TAF11L14: variants seen among roughly 807,000 people sequenced by gnomAD.
TAF11L14 encodes TATA-box-binding protein-associated factor 11-like protein 14.
exon 1 of TAF11L14, chr5:17,634,961 C>G (rs192526000): frequency 2.5e-6 from 1 of 398,206 alleles, no homozygotes; most frequent in African/African-American, 2.1e-5. Context: ...GGGAGAAATG[C>G]CCCCATTGCA....
exon 1 of TAF11L14, chr5:17,634,568 G>A: frequency 2.5e-6 from 1 of 398,400 alleles, no homozygotes; most frequent in Non-Finnish European, 4.4e-6. Context: ...TGGGAACTTG[G>A]AAGAACCCAG....
At chr5:17,634,590 G>A (rs1290463016) in exon 1 of TAF11L14, 2 of 398,290 alleles carry the variant, frequency 5.0e-6, no homozygotes, top group East Asian at 3.6e-5. Context: ...GCTCAGGAAT[G>A]TGAGCTCAGG....
exon 1 of TAF11L14, chr5:17,635,021 T>C (rs1739785388): frequency 2.5e-6 from 1 of 398,412 alleles, no homozygotes; most frequent in African/African-American, 2.1e-5. Context: ...CAAGGGCCTC[T>C]TCCCCAACAA....
exon 1 of TAF11L14, chr5:17,634,631 G>A (rs1179261976): frequency 5.0e-6 from 2 of 398,472 alleles, no homozygotes; most frequent in Non-Finnish European, 8.9e-6. Context: ...CACAGTAGTT[G>A]ACAATGAGGC....
In TAF11L14 at chr5:17,634,830, G is replaced by A. The variant is rs374514278; in HGVS notation, c.371G>A (p.Arg124His). The change falls in exon 1 of 1, where the codon CGT becomes CAT. Residue 124 changes from arginine (R) to histidine (H), a missense_variant. Arg to His is a conservative substitution (Grantham distance 29). Coordinates refer to ENST00000512227, the Ensembl canonical transcript of TAF11L14. ...GCTTTCCCAAAAGCACTTGTTGCAC[G>A]TCTGATGTGGTCTATCACTGGGAGA... The A allele has an allele frequency of 3.0e-5, 12 of 398,582 alleles. 1 individual carries two copies. Among genetic ancestry groups the A allele is most frequent in the Non-Finnish European group, 4.4e-5 (10 of 225,874 alleles). 24.7% of individuals were successfully genotyped at this position (398,582 alleles called of 1,614,324 possible).
chr5:17,634,597 C>T (rs1739774410), exon 1 of TAF11L14: 2 of 398,336 alleles, frequency 5.0e-6, no homozygotes, highest in Non-Finnish European at 8.9e-6. Context: ...AATGTGAGCT[C>T]AGGAGTGAGG....
exon 1 of TAF11L14, chr5:17,634,574 C>A: frequency 2.5e-6 from 1 of 398,364 alleles, no homozygotes. Flanking sequence ...CTTGGAAGAA[C>A]CCAGGGCTCA....
In TAF11L14 at chr5:17,634,507, A is replaced by G. The variant is rs998637128; in HGVS notation, c.48A>G (p.Ile16Met). 2.6e-4 allele frequency: 105 copies of G among 398,098 alleles called. 3 individuals carry two copies. Among genetic ancestry groups the G allele is most frequent in the African/African-American group, 1.9e-3 (90 of 48,358 alleles). 24.7% of individuals were successfully genotyped at this position (398,098 alleles called of 1,614,324 possible). Reference sequence around the variant, plus strand: ...GTGTGTCTGCTGAGATGTTCGCCATACCCCGAGGTCTGAAGGGCTGCAACG... The same window carrying G: ...GTGTGTCTGCTGAGATGTTCGCCATGCCCCGAGGTCTGAAGGGCTGCAACG... Residue 16 changes from isoleucine to methionine, a missense_variant, in exon 1 of 1, where the codon ATA becomes ATG. By Grantham distance (10) the Ile-to-Met change is conservative. Coordinates refer to ENST00000512227, the Ensembl canonical transcript of TAF11L14.
At chr5:17,634,484 G>A (rs1739771772) in exon 1 of TAF11L14, 1 of 398,384 alleles carries the variant, frequency 2.5e-6, no homozygotes, top group East Asian at 3.6e-5. Context: ...GCAAACAGGT[G>A]TGTCTGCTGA....
exon 1 of TAF11L14, chr5:17,634,959 T>C (rs1476913037): frequency 7.8e-5 from 31 of 398,112 alleles, no homozygotes; most frequent in East Asian, 4.3e-4. Context: ...TGGGGAGAAA[T>C]GCCCCCATTG....
At chr5:17,634,613 A>G in exon 1 of TAF11L14, 1 of 398,426 alleles carries the variant, frequency 2.5e-6, no homozygotes, top group Non-Finnish European at 4.4e-6. Context: ...TGAGGATGTC[A>G]TGGACCTCAC....
chr5:17,635,032 C>T lies in TAF11L14; in HGVS notation c.573C>T (p.Asn191=). 7.5e-6 allele frequency: 3 copies of T among 398,428 alleles called. 1 individual carries two copies. Among genetic ancestry groups the T allele is most frequent in the Non-Finnish European group, 4.4e-6 (1 of 225,800 alleles). 24.7% of individuals were successfully genotyped at this position (398,428 alleles called of 1,614,324 possible). A position where few individuals can be genotyped will look rare whatever the true frequency, so the allele number is the denominator to read the frequency against. ...AGCCCAAGGGCCTCTTCCCCAACAACTATAAAAAAGTCATGTTCTAGGCCC... is the reference window on the plus strand; with the variant it reads ...AGCCCAAGGGCCTCTTCCCCAACAATTATAAAAAAGTCATGTTCTAGGCCC... The change falls in exon 1 of 1, where the codon AAC becomes AAT. Residue 191 remains asparagine, a synonymous_variant. Transcript: ENST00000512227.
exon 1 of TAF11L14, chr5:17,634,981 T>G: frequency 5.0e-6 from 2 of 398,184 alleles, no homozygotes; most frequent in Non-Finnish European, 8.9e-6. Context: ...AGCCCATGGA[T>G]TTAAGGGAGG....
At chr5:17,634,580 G>T in exon 1 of TAF11L14, 1 of 398,344 alleles carries the variant, frequency 2.5e-6, no homozygotes. Context: ...AGAACCCAGG[G>T]CTCAGGAATG....
At chr5:17,634,552 C>A in exon 1 of TAF11L14, 1 of 398,226 alleles carries the variant, frequency 2.5e-6, no homozygotes, top group Non-Finnish European at 4.4e-6. Flanking sequence ...TCCCTGAGGC[C>A]CTAGATGGGA....
chr5:17,634,895 G>A, exon 1 of TAF11L14: 1 of 398,582 alleles, frequency 2.5e-6, no homozygotes, highest in Admixed American at 4.4e-5. Flanking sequence ...GGCTGGAATA[G>A]CCAAGGTCTT....
exon 1 of TAF11L14, chr5:17,634,489 T>C: frequency 2.5e-6 from 1 of 398,352 alleles, no homozygotes; most frequent in East Asian, 3.6e-5. Flanking sequence ...CAGGTGTGTC[T>C]GCTGAGATGT....
chr5:17,634,661 G>A (rs1216745019), exon 1 of TAF11L14: 3 of 398,620 alleles, frequency 7.5e-6, no homozygotes, highest in African/African-American at 2.1e-5. Flanking sequence ...AGCTCCTCCT[G>A]CAGCCAAAAG....
exon 1 of TAF11L14, chr5:17,634,817 G>T: frequency 2.5e-6 from 1 of 398,628 alleles, no homozygotes; most frequent in Non-Finnish European, 4.4e-6. Flanking sequence ...TTTCCCAAAA[G>T]CACTTGTTGC....
Sources: allele counts gnomAD v4.1 joint callset, GRCh38; gene constraint gnomAD v4.1.1; transcripts MANE v1.5; gene names NCBI Gene and HGNC (gene_info 2026-07-23, HGNC 2026-07-21).